SUCLG2: variants seen among roughly 807,000 people sequenced by gnomAD.
SUCLG2 encodes the protein succinate--CoA ligase [GDP-forming] subunit beta, mitochondrial.
In SUCLG2, 42 loss-of-function variants were observed where a neutral mutation model predicts 47.9. That is an observed-to-expected ratio of 0.88 (90% confidence interval 0.69 to 1.14). The LOEUF is 1.14. SUCLG2 is among the 50% of genes most tolerant of loss of function. The probability of loss-of-function intolerance (pLI) is 0.00; values close to 1 mark genes in which losing one functional copy is unlikely to be tolerated. For missense variants in SUCLG2, 571 were observed against 525.9 expected, an observed-to-expected ratio of 1.09 and a Z score of -0.84; for synonymous variants, 195 against 197.3, an observed-to-expected ratio of 0.99 and a Z score of 0.10.
chr3:67,514,667 C>T (rs1705893346), intron 6 of SUCLG2, among the ~76,000 whole-genome samples: 1 of 152,140 alleles, frequency 6.6e-6, no homozygotes, highest in Non-Finnish European at 1.5e-5. Flanking sequence ...CACCCTTTAT[C>T]CTCAGTTTCC....
intron 2 of SUCLG2, among the ~76,000 whole-genome samples, chr3:67,544,687 A>G (rs1706816911): frequency 6.6e-6 from 1 of 152,208 alleles, no homozygotes; most frequent in Non-Finnish European, 1.5e-5. Flanking sequence ...GGGACTGGAG[A>G]GCAAGGACAT....
intron 2 of SUCLG2, among the ~76,000 whole-genome samples, chr3:67,585,596 C>T (rs115489249): frequency 0.012 from 1,830 of 152,286 alleles, 40 homozygotes; most frequent in African/African-American, 0.042. Context: ...GAGCTGACTA[C>T]ACCAGGAATG....
chr3:67,429,805 T>C (rs913084767), intron 9 of SUCLG2, among the ~76,000 whole-genome samples: 3 of 152,056 alleles, frequency 2.0e-5, no homozygotes, highest in African/African-American at 4.8e-5. Flanking sequence ...CAATCCTAGT[T>C]TCTGATAAAA....
chr3:67,498,432 G>C (rs565083798), intron 7 of SUCLG2, 137 bp from the exon 8 acceptor site: 1 of 859,176 alleles, frequency 1.2e-6, no homozygotes, highest in South Asian at 2.0e-5. Flanking sequence ...AGGAGAGGCT[G>C]CTTTGGCTTT....
At chr3:67,447,847 G>A (rs751817593) in intron 9 of SUCLG2, among the ~76,000 whole-genome samples, 2 of 152,156 alleles carry the variant, frequency 1.3e-5, no homozygotes, top group African/African-American at 2.4e-5. Context: ...TCATGTCTCA[G>A]CCTCCTGAGT....
At chr3:67,447,930 T>C (rs973694342) in intron 9 of SUCLG2, among the ~76,000 whole-genome samples, 1 of 152,166 alleles carries the variant, frequency 6.6e-6, no homozygotes. Context: ...GGTTTTGCCA[T>C]GTTGGCCAGG....
intron 10 of SUCLG2, among the ~76,000 whole-genome samples, chr3:67,363,940 G>A (rs1333155848): frequency 6.6e-6 from 1 of 152,176 alleles, no homozygotes; most frequent in Non-Finnish European, 1.5e-5. Context: ...GAGTTCCCTG[G>A]GTTTTCATTT....
At chr3:67,369,363 A>T (rs1701920229) in intron 10 of SUCLG2, among the ~76,000 whole-genome samples, 1 of 152,138 alleles carries the variant, frequency 6.6e-6, no homozygotes, top group Non-Finnish European at 1.5e-5. Context: ...AATAGCACAG[A>T]TGCCATGTTG....
chr3:67,410,714 C>G lies in SUCLG2; in HGVS notation c.1063-9863G>C, dbSNP rs764105757. 9.2e-5 allele frequency among the ~76,000 whole-genome samples: 14 copies of G among 151,946 alleles called. No homozygotes were observed. In the South Asian group the frequency reaches 1.0e-3, roughly 11 times the overall value. On this transcript the variant is annotated intron_variant, in intron 9 of 10. Transcript: ENST00000307227. Reference sequence around the variant, plus strand: ...AAAAATAGAGCAAAGAGATTTTGGTCATACTATTTCATAAAGGGGCATCAA... The same window carrying G: ...AAAAATAGAGCAAAGAGATTTTGGTGATACTATTTCATAAAGGGGCATCAA...
At chr3:67,506,488 AT>A (rs147865752) in intron 7 of SUCLG2, among the ~76,000 whole-genome samples, 8,331 of 152,294 alleles carry the variant, frequency 0.055, 321 homozygotes, top group East Asian at 0.18. Context: ...TTAAAAAAAA[AT>A]CTCAAGACTC....
intron 7 of SUCLG2, among the ~76,000 whole-genome samples, chr3:67,507,115 G>C (rs1012371207): frequency 1.3e-5 from 2 of 152,136 alleles, no homozygotes; most frequent in Admixed American, 6.5e-5. Flanking sequence ...GCTTATCACA[G>C]TGTCTGGCAT....
At chr3:67,513,523 C>T (rs1183974113) in intron 6 of SUCLG2, among the ~76,000 whole-genome samples, 1 of 152,134 alleles carries the variant, frequency 6.6e-6, no homozygotes, top group African/African-American at 2.4e-5. Context: ...TGTCTTATTC[C>T]AGAGGCTATT....
At chr3:67,535,127 G>T (rs1217820587) in intron 2 of SUCLG2, among the ~76,000 whole-genome samples, 1 of 152,054 alleles carries the variant, frequency 6.6e-6, no homozygotes, top group African/African-American at 2.4e-5. Flanking sequence ...TGTATTATGT[G>T]TATGTATTTA....
chr3:67,506,074 C>G (rs1042812141), intron 7 of SUCLG2, among the ~76,000 whole-genome samples: 2 of 152,144 alleles, frequency 1.3e-5, no homozygotes, highest in Non-Finnish European at 2.9e-5. Flanking sequence ...ATTATTAAAT[C>G]AAAGTTTCAA....
rs748808822 is a variant in SUCLG2 at position 67,520,530 on chromosome 3, GC to G, written c.521del (p.Gly174AlafsTer26). On this transcript the variant is annotated frameshift_variant, in exon 5 of 11. Coordinates refer to ENST00000307227, the MANE Select transcript of SUCLG2 (RefSeq NM_003848.4). LOFTEE classifies it high-confidence loss of function. Reference protein sequence around the residue: ...GPVLVGSPQGGVDIEEVAASN... With the variant: ...GPVLVGSPQGXVDIEEVAASN... ...AAGCAGCCACCTCTTCAATGTCGAC[GC>G]CCCCCTGGGGGCTGCCCACCAGCAC... 1.2e-6 allele frequency: 2 copies of G among 1,614,060 alleles called. No individual in the cohort carries two copies. Among genetic ancestry groups the G allele is most frequent in the East Asian group, 2.2e-5 (1 of 44,876 alleles).
chr3:67,407,573 C>T (rs937488739), intron 9 of SUCLG2, among the ~76,000 whole-genome samples: 15 of 152,136 alleles, frequency 9.9e-5, no homozygotes, highest in African/African-American at 2.4e-4. Context: ...AGCTACTTTG[C>T]AAAGGTTATT....
intron 5 of SUCLG2, among the ~76,000 whole-genome samples, chr3:67,518,771 G>A (rs973183743): frequency 6.6e-6 from 1 of 152,070 alleles, no homozygotes; most frequent in Non-Finnish European, 1.5e-5. Context: ...AATTATTACT[G>A]TTACCTTAGC....
At chr3:67,520,449 A>AT in intron 5 of SUCLG2, 33 bp downstream of exon 5, 1 of 1,613,710 alleles carries the variant, frequency 6.2e-7, no homozygotes, top group African/African-American at 1.3e-5. Context: ...ATAACAATCA[A>AT]TTAATAGCAG....
chr3:67,482,862 G>C (rs563845988), intron 9 of SUCLG2, among the ~76,000 whole-genome samples: 1 of 152,244 alleles, frequency 6.6e-6, no homozygotes, highest in South Asian at 2.1e-4. Flanking sequence ...TGCTGTTTAC[G>C]ATCTTCAGGC....
Sources: allele counts gnomAD v4.1 joint callset (sites outside exome capture counted in the v4.1 genomes callset), GRCh38; gene constraint gnomAD v4.1.1; transcripts MANE v1.5; gene names NCBI Gene and HGNC (gene_info 2026-07-23, HGNC 2026-07-21).